NR2F1: variants seen among roughly 807,000 people sequenced by gnomAD.
NR2F1 encodes nuclear receptor subfamily 2 group F member 1, also known as COUP transcription factor 1.
Under a neutral mutation model 37.7 loss-of-function variants are expected in NR2F1, and 1 was observed. The observed-to-expected ratio is 0.03, with a 90% confidence interval of 0.01 to 0.13. The LOEUF is 0.13. Among genes scored for constraint, NR2F1 ranks in the 10% least tolerant of loss-of-function variants. The probability of loss-of-function intolerance (pLI) is 1.00; values close to 1 mark genes in which losing one functional copy is unlikely to be tolerated. For synonymous variants in NR2F1, 275 were observed against 259.6 expected, an observed-to-expected ratio of 1.06 and a Z score of -0.57; for missense variants, 268 against 578.4, an observed-to-expected ratio of 0.46 and a Z score of 5.50.
In NR2F1 at chr5:93,583,645, A is replaced by G. The variant is rs1412381048; in HGVS notation, c.-1379A>G. 1 of 151,904 alleles carries G rather than the reference A, an allele frequency of 6.6e-6. No homozygotes were observed. The highest frequency in any genetic ancestry group is 1.5e-5 in the Non-Finnish European group (1 of 67,996). 9.4% of individuals were successfully genotyped at this position (151,904 alleles called of 1,614,324 possible). A position where few individuals can be genotyped will look rare whatever the true frequency, so the allele number is the denominator to read the frequency against. The stretch of plus-strand genomic sequence containing the variant: ...GTTGGTTGCCGGCTGAAGAGCACTT[A>G]TTTAAAATACTAAAAAAAGAACATT... On this transcript the variant is annotated 5_prime_UTR_variant, in exon 1 of 3. Coordinates refer to ENST00000327111, the MANE Select transcript of NR2F1 (RefSeq NM_005654.6).
intron 2 of NR2F1, among the ~76,000 whole-genome samples, chr5:93,589,220 A>C (rs556283433): frequency 1.3e-5 from 2 of 152,360 alleles, no homozygotes; most frequent in East Asian, 3.9e-4. Flanking sequence ...TGGAAATTTA[A>C]GAGTGCCTTA....
Position 93,593,568 on chromosome 5 carries a change from G to A in NR2F1, c.998G>A (p.Cys333Tyr). ...KAIVLFTSDA[C>Y]GLSDAAHIES... ...CCTGTGGCTGCTTGGGCAGACGCCT[G>A]TGGCCTGTCGGATGCGGCCCACATC... Residue 333 changes from cysteine (C) to tyrosine (Y), a missense_variant, in exon 3 of 3, where the codon TGT becomes TAT. This residue lies in a region of NR2F1 where 99 missense variants were observed against 191.9 expected (regional missense o/e 0.52). Transcript: ENST00000327111. The surrounding 1 kb of genome is among the most constrained non-coding windows in gnomAD (Gnocchi z 5.6). 6.2e-7 allele frequency: 1 copy of A among 1,613,186 alleles called. No homozygotes were observed.
chr5:93,585,133 C>G lies in NR2F1; in HGVS notation c.110C>G (p.Ala37Gly), dbSNP rs1366108078. ...AQAARGGGGG[A>G]GEQQQQAGSG... Reference sequence around the variant, plus strand: ...GCGGCCCGCGGCGGCGGCGGCGGCGCCGGCGAGCAGCAGCAGCAGGCGGGC... The same window carrying G: ...GCGGCCCGCGGCGGCGGCGGCGGCGGCGGCGAGCAGCAGCAGCAGGCGGGC... Residue 37 changes from alanine (A) to glycine (G), a missense_variant, in exon 1 of 3, where the codon GCC becomes GGC. Physicochemically the swap from Ala to Gly is moderately conservative, Grantham distance 60 (BLOSUM62 0). This residue lies in a region of NR2F1 where 90 missense variants were observed against 106.5 expected (regional missense o/e 0.85). Coordinates refer to ENST00000327111, the MANE Select transcript of NR2F1 (RefSeq NM_005654.6). The G allele has an allele frequency of 1.9e-6, 2 of 1,037,582 alleles. No homozygotes were observed. The highest frequency in any genetic ancestry group is 4.4e-5 in the South Asian group (1 of 22,578). The allele number at this position is 1,037,582 out of a possible 1,614,324, so 64.3% of individuals were successfully genotyped here.
chr5:93,590,746 G>T (rs957112494), intron 2 of NR2F1, among the ~76,000 whole-genome samples: 2 of 152,204 alleles, frequency 1.3e-5, no homozygotes, highest in South Asian at 2.1e-4. Flanking sequence ...TAGACATATT[G>T]TCCAATGTGG....
Position 93,587,988 on chromosome 5 carries a change from C to G in NR2F1, c.535C>G (p.Leu179Val). The G allele has an allele frequency of 6.2e-7, 1 of 1,613,474 alleles. No individual in the cohort carries two copies. The highest frequency in any genetic ancestry group is 8.5e-7 in the Non-Finnish European group (1 of 1,179,660). Residue 179 changes from leucine to valine, a missense_variant, in exon 2 of 3, where the codon CTC becomes GTC. By Grantham distance (32) the Leu-to-Val change is conservative. Around this residue, in one of 5 missense-constraint regions of NR2F1, gnomAD observed 42 missense variants for 72.5 expected, o/e 0.58. Coordinates refer to ENST00000327111, the MANE Select transcript of NR2F1 (RefSeq NM_005654.6). ...GQYALTNGDPLNGHCYLSGYI... is the reference protein window; with the variant it reads ...GQYALTNGDPVNGHCYLSGYI... ...GTACGCACTCACCAACGGGGACCCC[C>G]TCAACGGCCACTGCTACCTGTCCGG...
At position 93,588,143 on chromosome 5, in the gene NR2F1, C is replaced by G. The variant is rs923916837; in HGVS notation, c.690C>G (p.Ala230=). ...TGGCCGCGCGCCTGCTCTTCAGCGC[C>G]GTCGAGTGGGCCCGCAACATCCCCT... ...CELAARLLFS[A]VEWARNIPFF... is the part of the protein sequence containing the mutation. The change falls in exon 2 of 3, where the codon GCC becomes GCG. Residue 230 remains alanine (A), a synonymous_variant. Transcript: ENST00000327111. 1 of 1,614,062 alleles carries G rather than the reference C, an allele frequency of 6.2e-7. No homozygotes were observed. Among genetic ancestry groups the G allele is most frequent in the Non-Finnish European group, 8.5e-7 (1 of 1,179,982 alleles).
At chr5:93,589,066 T>G (rs1753287598) in intron 2 of NR2F1, among the ~76,000 whole-genome samples, 1 of 152,080 alleles carries the variant, frequency 6.6e-6, no homozygotes, top group African/African-American at 2.4e-5. Flanking sequence ...TGTTTGCAGT[T>G]GGTGAGGTTA....
At chr5:93,589,363 A>G (rs1249661035) in intron 2 of NR2F1, among the ~76,000 whole-genome samples, 3 of 152,230 alleles carry the variant, frequency 2.0e-5, no homozygotes, top group African/African-American at 7.2e-5. Context: ...AGCCTCCGAG[A>G]ACAATCCCCG....
At position 93,584,139 on chromosome 5, in the gene NR2F1, G is replaced by C. The variant is rs979396852; in HGVS notation, c.-885G>C. 1 of 149,946 alleles carries C rather than the reference G, an allele frequency of 6.7e-6. No homozygotes were observed. The highest frequency in any genetic ancestry group is 2.0e-4 in the East Asian group (1 of 5,104). 9.3% of individuals were successfully genotyped at this position (149,946 alleles called of 1,614,324 possible). Reference sequence around the variant, plus strand: ...CCGCGCTCCCCGCACTCCCGAGCCCGGCGAGGGCTCCCGCCGGGACAGCGG... The same window carrying C: ...CCGCGCTCCCCGCACTCCCGAGCCCCGCGAGGGCTCCCGCCGGGACAGCGG... On this transcript the variant is annotated 5_prime_UTR_variant, in exon 1 of 3. Coordinates refer to ENST00000327111, the MANE Select transcript of NR2F1 (RefSeq NM_005654.6).
At chr5:93,592,802 A>G (rs1287377223) in intron 2 of NR2F1, among the ~76,000 whole-genome samples, 1 of 151,156 alleles carries the variant, frequency 6.6e-6, no homozygotes, top group African/African-American at 2.4e-5. Context: ...TGATTATTAT[A>G]CAGCTTACAG....
intron 1 of NR2F1, 108 bp downstream of exon 1, chr5:93,585,594 C>G: frequency 5.8e-6 from 5 of 857,822 alleles, no homozygotes; most frequent in Non-Finnish European, 7.3e-6. Flanking sequence ...TCCTGTGGTC[C>G]CGGCCCGTCC....
chr5:93,592,795 T>G (rs1384319823), intron 2 of NR2F1, among the ~76,000 whole-genome samples: 1 of 151,628 alleles, frequency 6.6e-6, no homozygotes, highest in African/African-American at 2.4e-5. Context: ...TTCTTCCTGA[T>G]TATTATACAG....
chr5:93,584,872 G>C lies in NR2F1; in HGVS notation c.-152G>C, dbSNP rs2149941188. ...AGGCAGCGGCCGGTGTCCGGCTCGG[G>C]CTCGGCTCCTGCGACCCCGGGGCGC... On this transcript the variant is annotated 5_prime_UTR_variant, in exon 1 of 3. Transcript: ENST00000327111. The C allele has an allele frequency of 6.1e-6, 1 of 163,044 alleles. No individual in the cohort carries two copies. The highest frequency in any genetic ancestry group is 2.4e-5 in the African/African-American group (1 of 40,956). The allele number at this position is 163,044 out of a possible 1,614,324, so 10.1% of individuals were successfully genotyped here.
chr5:93,589,287 T>C (rs1315915439), intron 2 of NR2F1, among the ~76,000 whole-genome samples: 1 of 152,240 alleles, frequency 6.6e-6, no homozygotes, highest in Non-Finnish European at 1.5e-5. Context: ...ATTTCTCTTA[T>C]GATAGATGGT....
intron 2 of NR2F1, 97 bp downstream of exon 2, chr5:93,588,541 T>A: frequency 1.2e-6 from 1 of 854,148 alleles, no homozygotes; most frequent in Non-Finnish European, 1.4e-6. Flanking sequence ...GCGCGGCCGG[T>A]GCGGGGCGGG....
rs1753181882 is a variant in NR2F1 at position 93,584,225 on chromosome 5, G to T, written c.-799G>T. ...CCGGCTGCGGCCCCGACTCCTGCTC[G>T]GACTCCGGCCCGGGTCCCGGCTCCT... On this transcript the variant is annotated 5_prime_UTR_variant, in exon 1 of 3. Transcript: ENST00000327111. 1 of 148,738 alleles carries T rather than the reference G, an allele frequency of 6.7e-6. No homozygotes were observed. Among genetic ancestry groups the T allele is most frequent in the Middle Eastern group, 3.4e-3 (1 of 292 alleles). The allele number at this position is 148,738 out of a possible 1,614,324, so 9.2% of individuals were successfully genotyped here.
chr5:93,589,003 C>A (rs888230844), intron 2 of NR2F1, among the ~76,000 whole-genome samples: 14 of 152,074 alleles, frequency 9.2e-5, no homozygotes, highest in Non-Finnish European at 1.6e-4. Context: ...ACAAATAAAT[C>A]ATAATAATCC....
In NR2F1 at chr5:93,593,510, C is replaced by T; in HGVS notation, c.992-52C>T. On this transcript the variant is annotated intron_variant, in intron 2 of 2. Coordinates refer to ENST00000327111, the MANE Select transcript of NR2F1 (RefSeq NM_005654.6). The surrounding 1 kb of genome is among the most constrained non-coding windows in gnomAD (Gnocchi z 5.6). ...TATTTTGCCTTTGCTATTTGTCAGC[C>T]TAACCGTGTGCTCCCTTTCCCTGTC... The T allele has an allele frequency of 6.4e-7, 1 of 1,566,014 alleles. No individual in the cohort carries two copies. The highest frequency in any genetic ancestry group is 1.1e-5 in the South Asian group (1 of 87,394).
intron 1 of NR2F1, among the ~76,000 whole-genome samples, chr5:93,586,285 C>T (rs424894): frequency 1.3e-5 from 2 of 152,312 alleles, no homozygotes; most frequent in East Asian, 3.9e-4. Context: ...TGCTTAAATA[C>T]TGCATACAAA....
Sources: allele counts gnomAD v4.1 joint callset (sites outside exome capture counted in the v4.1 genomes callset), GRCh38; gene constraint gnomAD v4.1.1; regional missense constraint gnomAD v4.1.1; non-coding constraint Gnocchi (gnomAD v3.1); transcripts MANE v1.5; gene names NCBI Gene and HGNC (gene_info 2026-07-23, HGNC 2026-07-21).